The following OR6Y1 variants were observed in gnomAD, a reference collection of about 807,000 sequenced individuals.
OR6Y1 encodes the protein olfactory receptor 6Y1.
In OR6Y1, 1 loss-of-function variant was observed where a neutral mutation model predicts 0.4. The observed-to-expected ratio is 2.74, with a 90% confidence interval of 0.97 to 13.02. The LOEUF is 13.02. Among genes scored for constraint, OR6Y1 ranks in the 30% most tolerant of loss-of-function variants. The probability of loss-of-function intolerance (pLI) is 0.12; values close to 1 mark genes in which losing one functional copy is unlikely to be tolerated. For missense variants in OR6Y1, 480 were observed against 399.8 expected, an observed-to-expected ratio of 1.20 and a Z score of -1.71; for synonymous variants, 173 against 141.1, an observed-to-expected ratio of 1.23 and a Z score of -1.60.
Position 158,544,954 on chromosome 1 carries a change from G to T in OR6Y1, c.*2174C>A, listed in dbSNP as rs543634099. 6.6e-6 allele frequency: 1 copy of T among 152,116 alleles called. No homozygotes were observed. The highest frequency in any genetic ancestry group is 1.9e-4 in the East Asian group (1 of 5,182). The allele number at this position is 152,116 out of a possible 1,614,324, so 9.4% of individuals were successfully genotyped here. A position where few individuals can be genotyped will look rare whatever the true frequency, so the allele number is the denominator to read the frequency against. ...TCTATTATTGATGGGCATTGTGGTT[G>T]GTTCCATGTCTTCGCTATTGTAAAT... On this transcript the variant is annotated 3_prime_UTR_variant, in exon 2 of 2. Coordinates refer to ENST00000641622, the MANE Select transcript of OR6Y1 (RefSeq NM_001005189.2).
In OR6Y1 at chr1:158,546,491, A is replaced by G. The variant is rs1647536863; in HGVS notation, c.*637T>C. The G allele has an allele frequency of 6.6e-6, 1 of 152,114 alleles. No homozygotes were observed. Among genetic ancestry groups the G allele is most frequent in the South Asian group, 2.1e-4 (1 of 4,816 alleles). The allele number at this position is 152,114 out of a possible 1,614,324, so 9.4% of individuals were successfully genotyped here. A position where few individuals can be genotyped will look rare whatever the true frequency, so the allele number is the denominator to read the frequency against. On this transcript the variant is annotated 3_prime_UTR_variant, in exon 2 of 2. Coordinates refer to ENST00000641622, the MANE Select transcript of OR6Y1 (RefSeq NM_001005189.2). ...CACTTTGTTATTTGGTATAAACTTA[A>G]TCTTTTGTTTTTAAACGCCTTAACA... is the stretch of plus-strand genomic sequence containing the variant.
Position 158,546,490 on chromosome 1 carries a change from A to C in OR6Y1, c.*638T>G, listed in dbSNP as rs1647536791. ...TCACTTTGTTATTTGGTATAAACTT[A>C]ATCTTTTGTTTTTAAACGCCTTAAC... On this transcript the variant is annotated 3_prime_UTR_variant, in exon 2 of 2. Coordinates refer to ENST00000641622, the MANE Select transcript of OR6Y1 (RefSeq NM_001005189.2). The C allele has an allele frequency of 6.6e-6, 1 of 152,152 alleles. No homozygotes were observed. The highest frequency in any genetic ancestry group is 2.1e-4 in the South Asian group (1 of 4,826). The allele number at this position is 152,152 out of a possible 1,614,324, so 9.4% of individuals were successfully genotyped here.
rs1282231291 is a variant in OR6Y1, at chr1:158,547,895, G to C, written c.211C>G (p.Leu71Val). ...ACATACCACATCTCCAGGAAGGAGA[G>C]GTGGCTCAAGAAGAAGTACATGGGC... ...HKPMYFFLSH[L>V]SFLEMWYVTV... is the part of the protein sequence containing the mutation. The change falls in exon 2 of 2, where the codon CTC becomes GTC. Residue 71 changes from leucine to valine, a missense_variant. Coordinates refer to ENST00000641622, the MANE Select transcript of OR6Y1 (RefSeq NM_001005189.2). The C allele has an allele frequency of 6.2e-7, 1 of 1,613,182 alleles. No individual in the cohort carries two copies. The highest frequency in any genetic ancestry group is 8.5e-7 in the Non-Finnish European group (1 of 1,179,828).
At chr1:158,553,612 A>C in intron 1 of OR6Y1, among the ~76,000 whole-genome samples, 1 of 152,100 alleles carries the variant, frequency 6.6e-6, no homozygotes, top group East Asian at 1.9e-4. Context: ...AAGCCATCTG[A>C]TCCTCCAGAC....
In OR6Y1 at chr1:158,545,700, G is replaced by A. The variant is rs372794538; in HGVS notation, c.*1428C>T. The A allele has an allele frequency of 6.6e-6, 1 of 151,918 alleles. No homozygotes were observed. The highest frequency in any genetic ancestry group is 1.5e-5 in the Non-Finnish European group (1 of 67,976). 9.4% of individuals were successfully genotyped at this position (151,918 alleles called of 1,614,324 possible). A position where few individuals can be genotyped will look rare whatever the true frequency, so the allele number is the denominator to read the frequency against. On this transcript the variant is annotated 3_prime_UTR_variant, in exon 2 of 2. Transcript: ENST00000641622. ...TATAGATGCTGAATATTAGACCTTTGTCAGTTGTATGGTTTGCCAAAAATG... is the reference window on the plus strand; with the variant it reads ...TATAGATGCTGAATATTAGACCTTTATCAGTTGTATGGTTTGCCAAAAATG...
intron 1 of OR6Y1, among the ~76,000 whole-genome samples, chr1:158,551,562 A>G (rs1027361871): frequency 6.6e-6 from 1 of 151,672 alleles, no homozygotes; most frequent in Non-Finnish European, 1.5e-5. Context: ...TCCTTCTGTT[A>G]TCTTACACAC....
chr1:158,550,357 T>G (rs1647670322), intron 1 of OR6Y1, among the ~76,000 whole-genome samples: 1 of 151,282 alleles, frequency 6.6e-6, no homozygotes, highest in East Asian at 1.9e-4. Flanking sequence ...TCATTCATTC[T>G]TCTTCTAATT....
In OR6Y1 at chr1:158,547,349, C is replaced by A; in HGVS notation, c.757G>T (p.Val253Leu). The A allele has an allele frequency of 6.2e-7, 1 of 1,613,468 alleles. No homozygotes were observed. The highest frequency in any genetic ancestry group is 8.5e-7 in the Non-Finnish European group (1 of 1,179,980). Reference sequence around the variant, plus strand: ...AGTGTCATGGAATAGAAGAGAATTACGACGGTCAGGTGGGAGGCACAGGTG... The same window carrying A: ...AGTGTCATGGAATAGAAGAGAATTAAGACGGTCAGGTGGGAGGCACAGGTG... Reference protein sequence around the residue: ...FSTCASHLTVVILFYSMTLFT... With the variant: ...FSTCASHLTVLILFYSMTLFT... The change falls in exon 2 of 2, where the codon GTA becomes TTA. Residue 253 changes from valine to leucine, a missense_variant. Physicochemically the swap from Val to Leu is conservative, Grantham distance 32. Transcript: ENST00000641622.
In OR6Y1 at chr1:158,544,609, G is replaced by T. The variant is rs1415569332; in HGVS notation, c.*2519C>A. 6.6e-6 allele frequency: 1 copy of T among 152,010 alleles called. No homozygotes were observed. Among genetic ancestry groups the T allele is most frequent in the Admixed American group, 6.6e-5 (1 of 15,252 alleles). 9.4% of individuals were successfully genotyped at this position (152,010 alleles called of 1,614,324 possible). On this transcript the variant is annotated 3_prime_UTR_variant, in exon 2 of 2. Transcript: ENST00000641622. ...ATATAGGTAATCTTGTATTATGGGG[G>T]TTTGTTGTACAGATTATTTTGTCAC...
In OR6Y1 at chr1:158,551,614, G is replaced by C. The variant is rs1272291286; in HGVS notation, c.-1432-2077C>G. ...ACTTATCTGACCCGATTCTCAAGAAGGACAAATCATCTCAAGTTTTAGCCT... is the reference window on the plus strand; with the variant it reads ...ACTTATCTGACCCGATTCTCAAGAACGACAAATCATCTCAAGTTTTAGCCT... On this transcript the variant is annotated intron_variant, in intron 1 of 1. Coordinates refer to ENST00000641622, the MANE Select transcript of OR6Y1 (RefSeq NM_001005189.2). Among the ~76,000 whole-genome samples, 4 of 151,486 alleles carry C rather than the reference G, an allele frequency of 2.6e-5. 1 individual carries two copies. Among genetic ancestry groups the C allele is most frequent in the Non-Finnish European group, 5.9e-5 (4 of 67,972 alleles).
intron 1 of OR6Y1, 119 bp downstream of exon 1, chr1:158,554,147 T>C (rs575808584): frequency 1.3e-5 from 2 of 152,346 alleles, no homozygotes; most frequent in South Asian, 4.1e-4. Flanking sequence ...TTTGGATGAA[T>C]CAGTAATTTA....
At chr1:158,551,558 T>C (rs995520284) in intron 1 of OR6Y1, among the ~76,000 whole-genome samples, 8 of 151,694 alleles carry the variant, frequency 5.3e-5, no homozygotes, top group Non-Finnish European at 8.8e-5. Flanking sequence ...TAATTCCTTC[T>C]GTTATCTTAC....
rs1647551216 is a variant in OR6Y1 at position 158,546,877 on chromosome 1, G to A, written c.*251C>T. 1 of 331,738 alleles carries A rather than the reference G, an allele frequency of 3.0e-6. No homozygotes were observed. Among genetic ancestry groups the A allele is most frequent in the African/African-American group, 2.1e-5 (1 of 46,990 alleles). 20.5% of individuals were successfully genotyped at this position (331,738 alleles called of 1,614,324 possible). ...CCACTCTCTCTGTCTCTCTCTCTGT[G>A]TTTCTTCCTGATTTCAAATAGCTTT... On this transcript the variant is annotated 3_prime_UTR_variant, in exon 2 of 2. Coordinates refer to ENST00000641622, the MANE Select transcript of OR6Y1 (RefSeq NM_001005189.2).
intron 1 of OR6Y1, among the ~76,000 whole-genome samples, chr1:158,550,877 AGAT>A (rs1361025012): frequency 3.9e-5 from 6 of 151,960 alleles, no homozygotes; most frequent in Middle Eastern, 3.4e-3. Flanking sequence ...CTTTACTGCC[AGAT>A]GATAACTCAC....
At position 158,547,860 on chromosome 1, in the gene OR6Y1, G is replaced by A; in HGVS notation, c.246C>T (p.Ile82=). 1.9e-6 allele frequency: 3 copies of A among 1,613,574 alleles called. No individual in the cohort carries two copies. Among genetic ancestry groups the A allele is most frequent in the Non-Finnish European group, 2.5e-6 (3 of 1,180,004 alleles). Residue 82 remains isoleucine, a synonymous_variant, in exon 2 of 2, where the codon ATC becomes ATT. Transcript: ENST00000641622. ...GGAAGTCAACAAGCATCTTGGGGCT[G>A]ATGACTGTGACATACCACATCTCCA... The part of the protein sequence containing the change: ...SFLEMWYVTV[I]SPKMLVDFLS...
At chr1:158,553,101 T>C (rs1157238778) in intron 1 of OR6Y1, among the ~76,000 whole-genome samples, 1 of 152,208 alleles carries the variant, frequency 6.6e-6, no homozygotes, top group Non-Finnish European at 1.5e-5. Flanking sequence ...TGATCCTCTA[T>C]ACTTTATAAC....
chr1:158,551,372 C>T (rs1384972703), intron 1 of OR6Y1, among the ~76,000 whole-genome samples: 3 of 151,532 alleles, frequency 2.0e-5, no homozygotes, highest in Admixed American at 1.3e-4. Context: ...TTAAAATCAG[C>T]GGTATTTTAA....
intron 1 of OR6Y1, among the ~76,000 whole-genome samples, chr1:158,553,273 A>AT (rs944732994): frequency 7.2e-5 from 11 of 152,032 alleles, no homozygotes; most frequent in African/African-American, 1.9e-4. Flanking sequence ...AATGTGATGC[A>AT]TTTTTTTGCT....
chr1:158,550,317 A>T (rs1330358910), intron 1 of OR6Y1, among the ~76,000 whole-genome samples: 2 of 107,862 alleles, frequency 1.9e-5, no homozygotes, highest in African/African-American at 8.5e-5. Context: ...TAAGTAAATA[A>T]AGTGGGGATA....
Sources: allele counts gnomAD v4.1 joint callset (sites outside exome capture counted in the v4.1 genomes callset), GRCh38; gene constraint gnomAD v4.1.1; transcripts MANE v1.5; gene names NCBI Gene and HGNC (gene_info 2026-07-23, HGNC 2026-07-21).